Variants in WASF3 observed in about 807,000 individuals in gnomAD.
The protein encoded by WASF3 is WASP family member 3.
WASF3 carries 11 observed loss-of-function variants against 46.6 expected under a neutral mutation model. That is an observed-to-expected ratio of 0.24 (90% confidence interval 0.15 to 0.39). The LOEUF is 0.39. Among genes scored for constraint, WASF3 ranks in the 10% least tolerant of loss-of-function variants. WASF3 has a pLI of 1.00. For missense variants in WASF3, 576 were observed against 669.8 expected, an observed-to-expected ratio of 0.86 and a Z score of 1.55; for synonymous variants, 242 against 259.7, an observed-to-expected ratio of 0.93 and a Z score of 0.65.
intron 1 of WASF3, among the ~76,000 whole-genome samples, chr13:26,611,611 A>C (rs1195659971): frequency 1.3e-5 from 2 of 152,162 alleles, no homozygotes; most frequent in Non-Finnish European, 2.9e-5. Flanking sequence ...AGTAGAGGTA[A>C]AATTAGGCCT....
At chr13:26,540,939 T>C in the WASF3 span, among the ~76,000 whole-genome samples, 2 of 152,216 alleles carry the variant, frequency 1.3e-5, no homozygotes, top group African/African-American at 4.8e-5. Context: ...TATGTGTTCA[T>C]TCCAAGTATA....
In WASF3 at chr13:26,612,176, A is replaced by G. The variant is rs151327451; in HGVS notation, c.-108-785A>G. Among the ~76,000 whole-genome samples the G allele has an allele frequency of 3.3e-3, 495 of 152,234 alleles. 5 individuals are homozygous for G. The highest frequency in any genetic ancestry group is 3.1e-3 in the South Asian group (15 of 4,822). Reference sequence around the variant, plus strand: ...AGACTGAGTACCTTCACAAACAGGCATTTTCTTATTCATTTTTATGTGTTC... The same window carrying G: ...AGACTGAGTACCTTCACAAACAGGCGTTTTCTTATTCATTTTTATGTGTTC... On this transcript the variant is annotated intron_variant, in intron 1 of 9. Transcript: ENST00000335327.
intron 1 of WASF3, among the ~76,000 whole-genome samples, chr13:26,586,119 T>C (rs1052648916): frequency 3.9e-5 from 6 of 152,228 alleles, no homozygotes; most frequent in Non-Finnish European, 8.8e-5. Context: ...ATTTTGTTTA[T>C]AGAATTTTCT....
At chr13:26,621,665 G>A (rs983917240) in intron 2 of WASF3, among the ~76,000 whole-genome samples, 5 of 152,138 alleles carry the variant, frequency 3.3e-5, no homozygotes, top group Admixed American at 3.3e-4. Flanking sequence ...CCAGTGAAAT[G>A]AGGTTGATTG....
intron 1 of WASF3, among the ~76,000 whole-genome samples, chr13:26,598,746 A>C (rs937238459): frequency 3.3e-5 from 5 of 152,106 alleles, no homozygotes; most frequent in African/African-American, 1.2e-4. Context: ...GAGTGGTGGG[A>C]GATTTCTCTT....
intron 1 of WASF3, among the ~76,000 whole-genome samples, chr13:26,605,450 G>A (rs1880764641): frequency 6.6e-6 from 1 of 152,146 alleles, no homozygotes; most frequent in Admixed American, 6.5e-5. Flanking sequence ...ACTAAATACG[G>A]GGCAAGTTCA....
chr13:26,608,019 C>T (rs1880854106), intron 1 of WASF3, among the ~76,000 whole-genome samples: 1 of 152,046 alleles, frequency 6.6e-6, no homozygotes, highest in South Asian at 2.1e-4. Flanking sequence ...GGAGCTCAGT[C>T]CGAAATAATG....
intron 9 of WASF3, among the ~76,000 whole-genome samples, chr13:26,684,192 T>G (rs1406396645): frequency 6.6e-6 from 1 of 152,164 alleles, no homozygotes; most frequent in African/African-American, 2.4e-5. Flanking sequence ...CACTTTTATT[T>G]TGTCAAGATA....
intron 3 of WASF3, among the ~76,000 whole-genome samples, chr13:26,651,600 C>T (rs1433521457): frequency 6.6e-6 from 1 of 152,144 alleles, no homozygotes; most frequent in African/African-American, 2.4e-5. Flanking sequence ...ATTAGTCCTC[C>T]AGCAACCTGT....
Position 26,682,155 on chromosome 13 carries a change from G to C in WASF3, c.984-452G>C, listed in dbSNP as rs190721136. Among the ~76,000 whole-genome samples, 1 of 152,330 alleles carries C rather than the reference G, an allele frequency of 6.6e-6. No individual in the cohort carries two copies. Among genetic ancestry groups the C allele is most frequent in the Non-Finnish European group, 1.5e-5 (1 of 68,030 alleles). On this transcript the variant is annotated intron_variant, in intron 8 of 9. Coordinates refer to ENST00000335327, the MANE Select transcript of WASF3 (RefSeq NM_006646.6). This position sits in a 1 kb window ranked among gnomAD's most constrained non-coding sequence, Gnocchi z 4.4. ...GGCTGTGTGACTTTTCGAAGCTTTT[G>C]ATACACACCTGGGCACTGCAGGCAT... is the stretch of plus-strand genomic sequence containing the variant.
At chr13:26,599,459 C>T (rs936348024) in intron 1 of WASF3, among the ~76,000 whole-genome samples, 3 of 152,136 alleles carry the variant, frequency 2.0e-5, no homozygotes, top group African/African-American at 7.2e-5. Context: ...AGGTGCCTGA[C>T]GTGACATAGG....
chr13:26,660,194 G>GTTTTTTTTTTTTTTTTTTTTTT (rs71080285), intron 3 of WASF3, among the ~76,000 whole-genome samples: 1 of 43,362 alleles, frequency 2.3e-5, no homozygotes, highest in African/African-American at 7.4e-5. Context: ...TTTTTGTTTG[G>GTTTTTTTTTTTTTTTTTTTTTT]TTTTTTTTTT....
At chr13:26,553,144 C>T (rs1479929696), upstream of WASF3, among the ~76,000 whole-genome samples, 2 of 152,160 alleles carry the variant, frequency 1.3e-5, no homozygotes, top group Admixed American at 1.3e-4. Context: ...CTGTGGGCCC[C>T]GGACTGGCTT....
In WASF3 at chr13:26,557,747, C is replaced by T. The variant is rs1879140600; in HGVS notation, c.-181C>T. On this transcript the variant is annotated 5_prime_UTR_variant, in exon 1 of 10. Coordinates refer to ENST00000335327, the MANE Select transcript of WASF3 (RefSeq NM_006646.6). ...GCGGTGTGGTGCGAGGCGGGTGCGC[C>T]GGGCGGCCGCGGCGCGGCGGGACCA... 4.5e-6 allele frequency: 1 copy of T among 222,526 alleles called. No individual in the cohort carries two copies. The allele number at this position is 222,526 out of a possible 1,614,324, so 13.8% of individuals were successfully genotyped here.
At chr13:26,575,633 T>C (rs1270377919) in intron 1 of WASF3, among the ~76,000 whole-genome samples, 1 of 152,252 alleles carries the variant, frequency 6.6e-6, no homozygotes. Context: ...TTATGAGTTC[T>C]TGCTTGTTCA....
the WASF3 span, among the ~76,000 whole-genome samples, chr13:26,547,881 A>G: frequency 2.6e-5 from 4 of 152,326 alleles, no homozygotes; most frequent in South Asian, 8.3e-4. Context: ...AGAACATTTT[A>G]GGGGCATGGG....
intron 2 of WASF3, among the ~76,000 whole-genome samples, chr13:26,632,789 A>G (rs963022647): frequency 6.6e-6 from 1 of 152,138 alleles, no homozygotes; most frequent in Admixed American, 6.5e-5. Context: ...TAGGCTGTGA[A>G]TCTGTCTGGT....
At position 26,586,307 on chromosome 13, in the gene WASF3, C is replaced by A. The variant is rs1289606483; in HGVS notation, c.-108-26654C>A. Among the ~76,000 whole-genome samples the A allele has an allele frequency of 2.6e-5, 4 of 151,852 alleles. No homozygotes were observed. The East Asian group carries it at 5.8e-4, about 22-fold the overall frequency. On this transcript the variant is annotated intron_variant, in intron 1 of 9. Transcript: ENST00000335327. ...TTTGCTGTTAATACATCTGAAACTT[C>A]TTTTGGTATAAGGGGTAAAGTGAGG...
chr13:26,644,932 G>A (rs1882105302), intron 3 of WASF3, among the ~76,000 whole-genome samples: 1 of 152,204 alleles, frequency 6.6e-6, no homozygotes, highest in Non-Finnish European at 1.5e-5. Context: ...CATTTGTGGT[G>A]CAGGGCTTGG....
Sources: allele counts gnomAD v4.1 joint callset (sites outside exome capture counted in the v4.1 genomes callset), GRCh38; gene constraint gnomAD v4.1.1; non-coding constraint Gnocchi (gnomAD v3.1); transcripts MANE v1.5; gene names NCBI Gene and HGNC (gene_info 2026-07-23, HGNC 2026-07-21).